The following TDRKH variants were observed in gnomAD, a reference collection of about 807,000 sequenced individuals.
The protein encoded by TDRKH is tudor and KH domain containing, also known as tudor and KH domain-containing protein.
A neutral mutation model predicts 61.3 loss-of-function variants in TDRKH; 28 were observed. The observed-to-expected ratio is 0.46, with a 90% CI of 0.34 to 0.63. The LOEUF (loss-of-function observed/expected upper bound fraction) is 0.63, where lower values mean the gene tolerates loss of function less well. Ranked by LOEUF, TDRKH falls within the 20% of genes least tolerant of loss-of-function variation. TDRKH has a pLI of 0.01. For missense variants in TDRKH, 540 were observed against 683.4 expected (o/e 0.79, Z 2.34); for synonymous variants, 219 against 244.4 (o/e 0.90, Z 0.97).
chr1:151,776,528 T>C lies in TDRKH; in HGVS notation c.955A>G (p.Asn319Asp). Reference protein sequence around the residue: ...EVYVSASEHPNHFWIQIVGSR... With the variant: ...EVYVSASEHPDHFWIQIVGSR... Reference sequence around the variant, plus strand: ...CCAACGATCTGGATCCAGAAGTGGTTAGGGTGCTCAGAAGCAGAAACGTAG... The same window carrying C: ...CCAACGATCTGGATCCAGAAGTGGTCAGGGTGCTCAGAAGCAGAAACGTAG... Residue 319 changes from asparagine (N) to aspartate (D), a missense_variant, in exon 7 of 13, where the codon AAC becomes GAC. By Grantham distance (23) the Asn-to-Asp change is conservative. This residue lies in a region of TDRKH where 379 missense variants were observed against 443.8 expected (regional missense o/e 0.85). Coordinates refer to ENST00000368824, the MANE Select transcript of TDRKH (RefSeq NM_001083965.2). 1.2e-6 allele frequency: 2 copies of C among 1,614,164 alleles called. No homozygotes were observed. The highest frequency in any genetic ancestry group is 1.7e-6 in the Non-Finnish European group (2 of 1,180,028).
At chr1:151,766,899 T>C, downstream of TDRKH, 1 of 1,588,782 alleles carries the variant, frequency 6.3e-7, no homozygotes, top group South Asian at 1.1e-5. Context: ...GTACTTGTTT[T>C]CATCTCTATT....
At chr1:151,769,565 G>T, downstream of TDRKH, 1 of 195,732 alleles carries the variant, frequency 5.1e-6, no homozygotes, top group Non-Finnish European at 1.0e-5. Flanking sequence ...GCGGCTGGGC[G>T]GAGACGCTCC....
At chr1:151,770,494 G>A, downstream of TDRKH, 1 of 470,584 alleles carries the variant, frequency 2.1e-6, no homozygotes, top group Non-Finnish European at 3.7e-6. Flanking sequence ...GAGCACTGGT[G>A]AAATTACACA....
At chr1:151,771,764 T>G (rs1268715229), downstream of TDRKH, 1 of 393,226 alleles carries the variant, frequency 2.5e-6, no homozygotes, top group Non-Finnish European at 4.5e-6. Context: ...CCCATCAGAA[T>G]GGGCTGTAAA....
At chr1:151,767,458 C>A, downstream of TDRKH, 3 of 1,374,744 alleles carry the variant, frequency 2.2e-6, no homozygotes, top group Non-Finnish European at 2.9e-6. Flanking sequence ...GCATTCTGGC[C>A]CACAGACTGT....
Position 151,780,085 on chromosome 1 carries a change from T to A in TDRKH, c.287A>T (p.Glu96Val). The change falls in exon 4 of 13, where the codon GAG becomes GTG. Residue 96 changes from glutamate (E) to valine (V), a missense_variant. Transcript: ENST00000368824. ...IDVDTEDVGDERVLLISGFPV... is the reference protein window; with the variant it reads ...IDVDTEDVGDVRVLLISGFPV... ...AAAACCACTGATAAGCAGCACTCGC[T>A]CATCGCCTACATCCTCTGTGTCCAC... 1.2e-6 allele frequency: 2 copies of A among 1,614,186 alleles called. No individual in the cohort carries two copies. Among genetic ancestry groups the A allele is most frequent in the Non-Finnish European group, 1.7e-6 (2 of 1,180,018 alleles).
At chr1:151,770,799 T>G (rs6673002), downstream of TDRKH, among the ~76,000 whole-genome samples, 24,633 of 152,254 alleles carry the variant, frequency 0.16, 2,129 homozygotes, top group African/African-American at 0.21. Context: ...AAGCACTTCA[T>G]GAACATCTCA....
At chr1:151,771,220 A>G, downstream of TDRKH, 2 of 1,612,958 alleles carry the variant, frequency 1.2e-6, no homozygotes, top group Non-Finnish European at 1.7e-6. Context: ...GCCTCCTTGA[A>G]CATGCTTATT....
At chr1:151,780,533 A>T (rs965634191) in intron 3 of TDRKH, among the ~76,000 whole-genome samples, 2 of 152,194 alleles carry the variant, frequency 1.3e-5, no homozygotes, top group African/African-American at 4.8e-5. Flanking sequence ...TCAATTAATG[A>T]GAGTTCATTA....
intron 1 of TDRKH, among the ~76,000 whole-genome samples, chr1:151,789,257 G>A (rs1558153274): frequency 6.6e-6 from 1 of 152,160 alleles, no homozygotes; most frequent in Non-Finnish European, 1.5e-5. Context: ...TGTGCTAATT[G>A]AGTTATCAGC....
At position 151,775,136 on chromosome 1, in the gene TDRKH, T is replaced by C. The variant is rs749535783; in HGVS notation, c.1465A>G (p.Lys489Glu). 2 of 1,614,136 alleles carry C rather than the reference T, an allele frequency of 1.2e-6. No homozygotes were observed. Among genetic ancestry groups the C allele is most frequent in the South Asian group, 1.1e-5 (1 of 91,078 alleles). ...TCAGGAAGCTCAATTGCGTATCCTTTGTGTACTAATTCTAGCCCAATATCA... is the reference window on the plus strand; with the variant it reads ...TCAGGAAGCTCAATTGCGTATCCTTCGTGTACTAATTCTAGCCCAATATCA... ...KLDIGLELVH[K>E]GYAIELPEDI... Residue 489 changes from lysine (K) to glutamate (E), a missense_variant, in exon 11 of 13, where the codon AAA becomes GAA. Transcript: ENST00000368824.
downstream of TDRKH, chr1:151,767,111 C>T (rs1304995717): frequency 2.7e-5 from 44 of 1,604,646 alleles, no homozygotes; most frequent in Non-Finnish European, 3.7e-5. Flanking sequence ...TACTGTGTAT[C>T]TTCCCACCTC....
intron 6 of TDRKH, among the ~76,000 whole-genome samples, chr1:151,777,969 G>A (rs899772271): frequency 2.0e-5 from 3 of 152,014 alleles, no homozygotes; most frequent in Admixed American, 2.0e-4. Context: ...GAAGTACTTT[G>A]AGGACTTTAT....
downstream of TDRKH, chr1:151,767,950 A>G (rs1210428994): frequency 2.0e-5 from 28 of 1,404,962 alleles, no homozygotes; most frequent in South Asian, 2.7e-5. Context: ...CTTGGCTCCA[A>G]TTCTCCCAGG....
At chr1:151,788,620 G>A (rs11806815) in intron 1 of TDRKH, among the ~76,000 whole-genome samples, 61,863 of 152,048 alleles carry the variant, frequency 0.41, 13,492 homozygotes, top group Non-Finnish European at 0.5. Flanking sequence ...TTGGGAAACT[G>A]CGGCTAAGGG....
At chr1:151,766,581 G>A (rs1648365398), downstream of TDRKH, 2 of 823,902 alleles carry the variant, frequency 2.4e-6, no homozygotes, top group Non-Finnish European at 3.8e-6. Flanking sequence ...AAGCAGCAGA[G>A]TGGAGTCCTG....
At chr1:151,770,261 G>A (rs1484536024), downstream of TDRKH, 1 of 1,612,410 alleles carries the variant, frequency 6.2e-7, no homozygotes, top group African/African-American at 1.3e-5. Context: ...GACAGAGGTG[G>A]GGATCTGCTG....
chr1:151,779,277 C>T (rs1420379034), intron 4 of TDRKH, 35 bp from the exon 5 acceptor site: 6 of 1,608,034 alleles, frequency 3.7e-6, no homozygotes, highest in Non-Finnish European at 5.1e-6. Flanking sequence ...CTGCCCTTCC[C>T]TCCTGGCCAA....
At chr1:151,783,404 C>T (rs1287826090) in intron 1 of TDRKH, among the ~76,000 whole-genome samples, 1 of 152,170 alleles carries the variant, frequency 6.6e-6, no homozygotes. Flanking sequence ...CAGGGCTTTC[C>T]AGAAGCTGCT....
Sources: allele counts gnomAD v4.1 joint callset (sites outside exome capture counted in the v4.1 genomes callset), GRCh38; gene constraint gnomAD v4.1.1; regional missense constraint gnomAD v4.1.1; transcripts MANE v1.5; gene names NCBI Gene and HGNC (gene_info 2026-07-23, HGNC 2026-07-21).